TECPR2: variants seen among roughly 807,000 people sequenced by gnomAD.
TECPR2 encodes the protein tectonin beta-propeller repeat containing 2, also known as tectonin beta-propeller repeat-containing protein 2.
A neutral mutation model predicts 138.1 loss-of-function variants in TECPR2; 65 were observed. The ratio of observed to expected loss-of-function variants is 0.47; its 90% CI spans 0.39 to 0.58. The LOEUF (loss-of-function observed/expected upper bound fraction) is 0.58, where lower values mean the gene tolerates loss of function less well. Ranked by LOEUF, TECPR2 falls within the 20% of genes least tolerant of loss-of-function variation. TECPR2 has a pLI of 0.00. For missense variants in TECPR2, 1,553 were observed against 1,824.5 expected, an observed-to-expected ratio of 0.85 and a Z score of 2.71; for synonymous variants, 746 against 749.8, an observed-to-expected ratio of 0.99 and a Z score of 0.08.
intron 2 of TECPR2, among the ~76,000 whole-genome samples, chr14:102,406,927 C>T (rs188580202): frequency 2.6e-5 from 4 of 152,260 alleles, no homozygotes; most frequent in Non-Finnish European, 5.9e-5. Context: ...GGCACGATCT[C>T]GGCTCACTGC....
chr14:102,368,452 C>T (rs1361458885), intron 1 of TECPR2, among the ~76,000 whole-genome samples: 2 of 152,134 alleles, frequency 1.3e-5, no homozygotes, highest in East Asian at 3.9e-4. Flanking sequence ...TCGATCTTCC[C>T]ACCCCAGCCT....
intron 2 of TECPR2, among the ~76,000 whole-genome samples, chr14:102,400,234 C>T (rs546378281): frequency 7.9e-5 from 12 of 151,950 alleles, no homozygotes; most frequent in Admixed American, 7.2e-4. Context: ...TTAGTAGAGA[C>T]GGGGTTTCTC....
intron 16 of TECPR2, among the ~76,000 whole-genome samples, chr14:102,456,119 G>A (rs1890271288): frequency 6.6e-6 from 1 of 152,146 alleles, no homozygotes; most frequent in African/African-American, 2.4e-5. Flanking sequence ...GGATGCACGG[G>A]GCATCCCGTC....
At chr14:102,471,697 C>T (rs995985145) in intron 17 of TECPR2, among the ~76,000 whole-genome samples, 3 of 152,064 alleles carry the variant, frequency 2.0e-5, no homozygotes, top group African/African-American at 7.3e-5. Flanking sequence ...CCAGCCTGGG[C>T]AACAGAGCAC....
intron 2 of TECPR2, among the ~76,000 whole-genome samples, chr14:102,392,423 T>C (rs1888203043): frequency 1.3e-5 from 2 of 152,104 alleles, no homozygotes; most frequent in African/African-American, 4.8e-5. Flanking sequence ...GTCATCTAGT[T>C]CAATACTTTT....
chr14:102,453,668 G>A lies in TECPR2; in HGVS notation c.3640+1041G>A, dbSNP rs529022295. On this transcript the variant is annotated intron_variant, in intron 16 of 19. Transcript: ENST00000359520. Reference sequence around the variant, plus strand: ...GTTGTGCAGATGGCCCCCAGGGCCCGGATGAGCCCTGCACTTGCAGCAGGA... The same window carrying A: ...GTTGTGCAGATGGCCCCCAGGGCCCAGATGAGCCCTGCACTTGCAGCAGGA... Among the ~76,000 whole-genome samples, 15 of 152,224 alleles carry A rather than the reference G, an allele frequency of 9.9e-5. No homozygotes were observed. In the South Asian group the frequency reaches 2.9e-3, roughly 30 times the overall value.
At chr14:102,406,680 C>G (rs1316630591) in intron 2 of TECPR2, among the ~76,000 whole-genome samples, 1 of 152,042 alleles carries the variant, frequency 6.6e-6, no homozygotes, top group Non-Finnish European at 1.5e-5. Context: ...ATAGTGAGAC[C>G]TTGTCTCTAC....
At chr14:102,493,605 A>G (rs886661544) in intron 17 of TECPR2, among the ~76,000 whole-genome samples, 4 of 152,290 alleles carry the variant, frequency 2.6e-5, no homozygotes, top group Middle Eastern at 3.4e-3. Context: ...GAAATCCCAA[A>G]CATCTGATCC....
rs189284403 is a variant in TECPR2 at position 102,437,392 on chromosome 14, C to T, written c.2395-630C>T. On this transcript the variant is annotated intron_variant, in intron 9 of 19. Coordinates refer to ENST00000359520, the MANE Select transcript of TECPR2 (RefSeq NM_014844.5). Reference sequence around the variant, plus strand: ...CGAAACCCCGTCTCTACTAAAAATACAAAAAATAGCCGGGTGTGGTGGCAG... The same window carrying T: ...CGAAACCCCGTCTCTACTAAAAATATAAAAAATAGCCGGGTGTGGTGGCAG... 2.0e-5 allele frequency among the ~76,000 whole-genome samples: 3 copies of T among 152,148 alleles called. No individual in the cohort carries two copies. In the East Asian group the frequency reaches 5.8e-4, roughly 29 times the overall value.
chr14:102,375,256 G>A (rs758664432), intron 1 of TECPR2, among the ~76,000 whole-genome samples: 20 of 152,130 alleles, frequency 1.3e-4, no homozygotes, highest in Non-Finnish European at 1.3e-4. Flanking sequence ...GGAGGCAGGA[G>A]GTTCACTTGA....
At chr14:102,489,703 CAA>C (rs35017559) in intron 17 of TECPR2, among the ~76,000 whole-genome samples, 33 of 133,940 alleles carry the variant, frequency 2.5e-4, no homozygotes, top group Non-Finnish European at 2.4e-4. Flanking sequence ...AAAACTGTGT[CAA>C]AAAAAAAAAA....
intron 10 of TECPR2, chr14:102,438,486 T>G (rs1031469264): frequency 2.3e-5 from 8 of 342,734 alleles, no homozygotes; most frequent in African/African-American, 1.5e-4. Context: ...CGTATTTTTG[T>G]AAGCTAGACA....
chr14:102,451,840 A>G (rs892242683), intron 15 of TECPR2, among the ~76,000 whole-genome samples: 1 of 152,132 alleles, frequency 6.6e-6, no homozygotes, highest in African/African-American at 2.4e-5. Flanking sequence ...ATGAAAGGAC[A>G]TGATTTTGAG....
chr14:102,484,550 T>C (rs943974099), intron 17 of TECPR2, among the ~76,000 whole-genome samples: 1 of 151,954 alleles, frequency 6.6e-6, no homozygotes, highest in Non-Finnish European at 1.5e-5. Flanking sequence ...GGGGAGTCGT[T>C]GCTTTTAGCC....
chr14:102,457,531 A>G (rs1890304486), intron 16 of TECPR2, among the ~76,000 whole-genome samples: 1 of 152,216 alleles, frequency 6.6e-6, no homozygotes, highest in Non-Finnish European at 1.5e-5. Context: ...AAGGAGAGTC[A>G]TCAAGCTGAC....
intron 10 of TECPR2, 69 bp downstream of exon 10, chr14:102,438,274 T>A: frequency 6.6e-7 from 1 of 1,523,546 alleles, no homozygotes; most frequent in Non-Finnish European, 8.8e-7. Flanking sequence ...GCCCCCGGGG[T>A]GCAGACATCT....
At chr14:102,397,352 T>C (rs1888341339) in intron 2 of TECPR2, among the ~76,000 whole-genome samples, 1 of 151,866 alleles carries the variant, frequency 6.6e-6, no homozygotes, top group African/African-American at 2.4e-5. Flanking sequence ...GAAAGTATGC[T>C]CTTCCAAGGA....
chr14:102,496,829 C>A, intron 17 of TECPR2, 150 bp from the exon 18 acceptor site: 1 of 1,176,528 alleles, frequency 8.5e-7, no homozygotes, highest in Non-Finnish European at 1.2e-6. Context: ...GAGACTGGCA[C>A]TAGGGGCAGG....
chr14:102,443,736 T>C lies in TECPR2; in HGVS notation c.2842T>C (p.Trp948Arg). Reference protein sequence around the residue: ...SQITARNNVVWALTEQRALLY... With the variant: ...SQITARNNVVRALTEQRALLY... ...GATCACAGCCCGGAACAATGTGGTG[T>C]GGGCGCTGACAGAGCAGAGGGCCCT... Residue 948 changes from tryptophan to arginine, a missense_variant, in exon 12 of 20, where the codon TGG (tryptophan) becomes CGG (arginine). Physicochemically the swap from Trp to Arg is moderately radical, Grantham distance 101. Coordinates refer to ENST00000359520, the MANE Select transcript of TECPR2 (RefSeq NM_014844.5). The surrounding 1 kb of genome is among the most constrained non-coding windows in gnomAD (Gnocchi z 4.9). 3.1e-6 allele frequency: 5 copies of C among 1,613,014 alleles called. No homozygotes were observed. The highest frequency in any genetic ancestry group is 4.2e-6 in the Non-Finnish European group (5 of 1,179,224).
Sources: allele counts gnomAD v4.1 joint callset (sites outside exome capture counted in the v4.1 genomes callset), GRCh38; gene constraint gnomAD v4.1.1; non-coding constraint Gnocchi (gnomAD v3.1); transcripts MANE v1.5; gene names NCBI Gene and HGNC (gene_info 2026-07-23, HGNC 2026-07-21).